Variants in GFM2 observed in about 807,000 individuals in gnomAD.
GFM2 encodes ribosome-releasing factor 2, mitochondrial.
A neutral mutation model predicts 95.4 loss-of-function variants in GFM2; 72 were observed. The ratio of observed to expected loss-of-function variants is 0.76; its 90% CI spans 0.62 to 0.92. The LOEUF is 0.92. Ranked by LOEUF, GFM2 falls within the 40% of genes least tolerant of loss-of-function variation. GFM2 has a pLI of 0.00. For synonymous variants in GFM2, 276 were observed against 317.5 expected, an observed-to-expected ratio of 0.87 and a Z score of 1.39; for missense variants, 825 against 924.1, an observed-to-expected ratio of 0.89 and a Z score of 1.39.
In GFM2 at chr5:74,725,735, T is replaced by A. The variant is rs777198322; in HGVS notation, c.1933A>T (p.Ile645Phe). ...CLQGPLLGSP[I>F]QDVAITLHSL... is the part of the protein sequence containing the mutation. ...TGTAAAGTAATTGCTACATCCTGAA[T>A]TGGGGATCCAAGCAATGGTCCTAGA... The change falls in exon 19 of 21, where the codon ATT becomes TTT. Residue 645 changes from isoleucine (I) to phenylalanine (F), a missense_variant. Physicochemically the swap from Ile to Phe is conservative, Grantham distance 21. Coordinates refer to ENST00000296805, the MANE Select transcript of GFM2 (RefSeq NM_032380.5). 6.2e-7 allele frequency: 1 copy of A among 1,613,278 alleles called. No individual in the cohort carries two copies. Among genetic ancestry groups the A allele is most frequent in the East Asian group, 2.2e-5 (1 of 44,872 alleles).
intron 5 of GFM2, among the ~76,000 whole-genome samples, chr5:74,757,901 G>A (rs1180980531): frequency 6.6e-6 from 1 of 152,108 alleles, no homozygotes; most frequent in Non-Finnish European, 1.5e-5. Context: ...TCAAAGTCAT[G>A]AAGAAAAAGT....
intron 5 of GFM2, among the ~76,000 whole-genome samples, chr5:74,756,462 A>G (rs989455250): frequency 4.6e-5 from 7 of 151,972 alleles, no homozygotes; most frequent in African/African-American, 1.2e-4. Flanking sequence ...CTGGTTCCAT[A>G]TTTTTGCGAA....
chr5:74,725,488 GA>G, intron 19 of GFM2, 151 bp downstream of exon 19: 1 of 521,660 alleles, frequency 1.9e-6, no homozygotes, highest in East Asian at 2.9e-5. Flanking sequence ...TAAGAAATCA[GA>G]GATTCTCCAT....
intron 17 of GFM2, among the ~76,000 whole-genome samples, chr5:74,727,121 T>A (rs1166389182): frequency 6.6e-6 from 1 of 152,148 alleles, no homozygotes; most frequent in Non-Finnish European, 1.5e-5. Context: ...TCAGCTAAGA[T>A]CTTGCCATTG....
In GFM2 at chr5:74,762,012, G is replaced by A. The variant is rs143337625; in HGVS notation, c.64-1026C>T. On this transcript the variant is annotated intron_variant, in intron 2 of 20. Transcript: ENST00000296805. ...GATAAGACCCAGTGTCTATCACAGCGTGCATAGTCTGAAAGCGTCAGCAAT... is the reference window on the plus strand; with the variant it reads ...GATAAGACCCAGTGTCTATCACAGCATGCATAGTCTGAAAGCGTCAGCAAT... 7.0e-4 allele frequency among the ~76,000 whole-genome samples: 107 copies of A among 152,272 alleles called. 1 individual carries two copies. Among genetic ancestry groups the A allele is most frequent in the South Asian group, 6.4e-3 (31 of 4,830 alleles).
chr5:74,765,975 T>C (rs1744568611), intron 1 of GFM2, among the ~76,000 whole-genome samples: 1 of 150,220 alleles, frequency 6.7e-6, no homozygotes, highest in Admixed American at 6.6e-5. Context: ...CTCCAGCCTG[T>C]GCGACAAGAT....
At chr5:74,751,324 T>A in intron 6 of GFM2, 44 bp downstream of exon 6, 2 of 1,554,404 alleles carry the variant, frequency 1.3e-6, no homozygotes, top group South Asian at 2.4e-5. Context: ...ACAAAAAAAC[T>A]CCAAATGACG....
Position 74,721,698 on chromosome 5 carries a change from T to G in GFM2, c.2297A>C (p.Gln766Pro). The stretch of plus-strand genomic sequence containing the variant: ...CCGGTTGAGCAGTGTATTTTGATCT[T>G]GAGGATTCATGGCTTGATAAGTAGA... ...ELSTYQAMNP[Q>P]DQNTLLNRRS... The change falls in exon 21 of 21, where the codon CAA becomes CCA. Residue 766 changes from glutamine to proline, a missense_variant. Physicochemically the swap from Gln to Pro is moderately conservative, Grantham distance 76. Coordinates refer to ENST00000296805, the MANE Select transcript of GFM2 (RefSeq NM_032380.5). 1 of 1,613,734 alleles carries G rather than the reference T, an allele frequency of 6.2e-7. No individual in the cohort carries two copies. Among genetic ancestry groups the G allele is most frequent in the Non-Finnish European group, 8.5e-7 (1 of 1,179,864 alleles).
Position 74,751,493 on chromosome 5 carries a change from T to A in GFM2, c.305A>T (p.Asp102Val). Reference sequence around the variant, plus strand: ...TGTCACTGTGTCTCCATCATCAACATCTAGCCAGGAAAAAGATGATACAGT... The same window carrying A: ...TGTCACTGTGTCTCCATCATCAACAACTAGCCAGGAAAAAGATGATACAGT... ...YYSGYTRSLG[D>V]VDDGDTVTDF... is the part of the protein sequence containing the mutation. Residue 102 changes from aspartate to valine, a missense_variant and splice_region_variant, in exon 6 of 21, where the codon GAT (aspartate) becomes GTT (valine). Transcript: ENST00000296805. The A allele has an allele frequency of 1.2e-6, 2 of 1,607,614 alleles. No individual in the cohort carries two copies. The highest frequency in any genetic ancestry group is 1.7e-6 in the Non-Finnish European group (2 of 1,174,430).
chr5:74,751,506 A>C lies in GFM2; in HGVS notation c.305-13T>G. 2 of 1,600,752 alleles carry C rather than the reference A, an allele frequency of 1.2e-6. No homozygotes were observed. Among genetic ancestry groups the C allele is most frequent in the African/African-American group, 2.7e-5 (2 of 74,746 alleles). On this transcript the variant is annotated splice_polypyrimidine_tract_variant and intron_variant, in intron 5 of 20. Coordinates refer to ENST00000296805, the MANE Select transcript of GFM2 (RefSeq NM_032380.5). ...CCATCATCAACATCTAGCCAGGAAA[A>C]AGATGATACAGTTTAGTCTTAATAG...
chr5:74,742,162 T>A (rs1743140471), intron 10 of GFM2, among the ~76,000 whole-genome samples: 1 of 151,846 alleles, frequency 6.6e-6, no homozygotes, highest in Admixed American at 6.6e-5. Context: ...TTCATGACCA[T>A]CCGACTATAC....
chr5:74,732,927 GACACACACACACACACACACACACACAC>G (rs67360841), intron 16 of GFM2, 67 bp downstream of exon 16: 25 of 403,530 alleles, frequency 6.2e-5, no homozygotes, highest in South Asian at 4.5e-4. Context: ...TAATGTTTTA[GACACACACACACACACACACACACACAC>G]ACACACACAC....
At chr5:74,728,349 G>A (rs891301874) in intron 17 of GFM2, among the ~76,000 whole-genome samples, 6 of 151,944 alleles carry the variant, frequency 3.9e-5, no homozygotes, top group South Asian at 2.1e-4. Context: ...CAAGAAAATC[G>A]TAAGAGAAAA....
intron 5 of GFM2, 150 bp from the exon 6 acceptor site, chr5:74,751,643 A>C: frequency 1.9e-6 from 1 of 518,842 alleles, no homozygotes; most frequent in Non-Finnish European, 3.3e-6. Context: ...TCACTAAGTA[A>C]ATCCTCATGG....
At chr5:74,727,016 A>C (rs557902390) in intron 17 of GFM2, among the ~76,000 whole-genome samples, 1 of 152,210 alleles carries the variant, frequency 6.6e-6, no homozygotes, top group East Asian at 1.9e-4. Context: ...AAAATAATAA[A>C]AATTAGCTGA....
rs568778147 is a variant in GFM2, at chr5:74,746,087, T to G, written c.669+18A>C. On this transcript the variant is annotated intron_variant, in intron 9 of 20. Transcript: ENST00000296805. Reference sequence around the variant, plus strand: ...AATGAGGAAACTGAGAAGAAGCTGATGCTATTAACCAATTTACCTGTAAAA... The same window carrying G: ...AATGAGGAAACTGAGAAGAAGCTGAGGCTATTAACCAATTTACCTGTAAAA... 2 of 1,496,696 alleles carry G rather than the reference T, an allele frequency of 1.3e-6. No individual in the cohort carries two copies. The highest frequency in any genetic ancestry group is 2.8e-5 in the African/African-American group (2 of 70,872). The allele number at this position is 1,496,696 out of a possible 1,614,324, so 92.7% of individuals were successfully genotyped here. A position where few individuals can be genotyped will look rare whatever the true frequency, so the allele number is the denominator to read the frequency against.
chr5:74,758,659 G>T (rs1364128065), intron 5 of GFM2, among the ~76,000 whole-genome samples, 190 bp downstream of exon 5: 1 of 152,154 alleles, frequency 6.6e-6, no homozygotes, highest in Non-Finnish European at 1.5e-5. Context: ...AGTCTTACAA[G>T]TCTGAATATT....
rs1196896543 is a variant in GFM2, at chr5:74,751,636, C to G, written c.305-143G>C. Reference sequence around the variant, plus strand: ...GTTTAATAGAGCCTTTACTCTTTCACTAAGTAAATCCTCATGGTAGAAAAA... The same window carrying G: ...GTTTAATAGAGCCTTTACTCTTTCAGTAAGTAAATCCTCATGGTAGAAAAA... On this transcript the variant is annotated intron_variant, in intron 5 of 20. Transcript: ENST00000296805. The G allele has an allele frequency of 2.6e-5, 14 of 531,228 alleles. No homozygotes were observed. The East Asian group carries it at 4.0e-4, about 15-fold the overall frequency. The allele number at this position is 531,228 out of a possible 1,614,324, so 32.9% of individuals were successfully genotyped here. A position where few individuals can be genotyped will look rare whatever the true frequency, so the allele number is the denominator to read the frequency against.
In GFM2 at chr5:74,721,794, T is replaced by TA. The variant is rs1749898807; in HGVS notation, c.2212-12dup. ...CACAGTTGAATAACCCTAATCAAAA[T>TA]AATTTAAGTCATTTATATTATCAAA... On this transcript the variant is annotated splice_polypyrimidine_tract_variant and intron_variant, in intron 20 of 20. Transcript: ENST00000296805. 6.3e-7 allele frequency: 1 copy of TA among 1,596,844 alleles called. No homozygotes were observed. The highest frequency in any genetic ancestry group is 1.4e-5 in the African/African-American group (1 of 73,800).
Sources: gnomAD v4.1 joint callset for allele counts (sites outside exome capture counted in the v4.1 genomes callset) on GRCh38, gnomAD v4.1.1 for gene constraint, MANE v1.5 for transcripts, NCBI Gene and HGNC (gene_info 2026-07-23, HGNC 2026-07-21) for gene names.